The following PDE4DIP variants were observed in gnomAD, a reference collection of about 807,000 sequenced individuals.
PDE4DIP encodes myomegalin.
PDE4DIP carries 59 observed loss-of-function variants against 221.4 expected under a neutral mutation model. The observed-to-expected ratio is 0.27, with a 90% CI of 0.22 to 0.33. PDE4DIP has a LOEUF of 0.33. Among genes scored for constraint, PDE4DIP ranks in the 10% least tolerant of loss-of-function variants. PDE4DIP has a pLI of 1.00. For synonymous variants in PDE4DIP, 404 were observed against 815.9 expected (o/e 0.50, Z 8.60); for missense variants, 1,036 against 2,154.2 (o/e 0.48, Z 10.28).
intron 22 of PDE4DIP, chr1:148,993,698 TG>T: frequency 3.4e-6 from 2 of 592,670 alleles, no homozygotes; most frequent in Non-Finnish European, 4.4e-6. Flanking sequence ...ATATGCCTGC[TG>T]GATGGAAGAA....
intron 5 of PDE4DIP, among the ~76,000 whole-genome samples, chr1:148,946,342 C>T (rs1384946683): frequency 2.2e-5 from 3 of 139,528 alleles, no homozygotes; most frequent in Non-Finnish European, 3.1e-5. Context: ...CTGGCCAACA[C>T]GGTGAAACCT....
chr1:148,986,395 A>G (rs1553549601), intron 21 of PDE4DIP: 1 of 152,178 alleles, frequency 6.6e-6, no homozygotes, highest in African/African-American at 2.4e-5. Flanking sequence ...ATTTTTACAT[A>G]TAAGTGTTAG....
intron 1 of PDE4DIP, among the ~76,000 whole-genome samples, chr1:148,846,444 CAAAAAAAAAAAA>C (rs143812422): frequency 5.7e-4 from 2 of 3,536 alleles, no homozygotes; most frequent in African/African-American, 1.6e-3. Flanking sequence ...AACTCCGCCT[CAAAAAAAAAAAA>C]AAAAAAAAAA....
Position 148,966,624 on chromosome 1 carries a change from CA to C in PDE4DIP, c.1436del (p.Gln479ArgfsTer14), listed in dbSNP as rs782579800. On this transcript the variant is annotated frameshift_variant, in exon 11 of 44. Coordinates refer to ENST00000369354, the Ensembl canonical transcript of PDE4DIP. LOFTEE classifies it high-confidence loss of function. ...TGAAATGTTGCTTGAGAAACTTCGC[CA>C]GCGAATACATGATAAAGCTGTTGCT... 6.3e-7 allele frequency: 1 copy of C among 1,597,868 alleles called. No homozygotes were observed. Among genetic ancestry groups the C allele is most frequent in the African/African-American group, 1.3e-5 (1 of 74,528 alleles).
rs797043421 is a variant in PDE4DIP, at chr1:148,824,540, G to A, written c.233+15803G>A. Among the ~76,000 whole-genome samples the A allele has an allele frequency of 2.7e-4, 26 of 95,732 alleles. No individual in the cohort carries two copies. The East Asian group carries it at 5.1e-3, about 19-fold the overall frequency. 62.8% of individuals were successfully genotyped at this position (95,732 alleles called of 152,430 possible). On this transcript the variant is annotated intron_variant, in intron 1 of 45. Transcript: ENST00000524974. ...AATTACACAAGGGTTTGATGACCAG[G>A]GATCACTGGGGACCAACTTAGAGAC...
At chr1:148,822,526 C>CAAAT (rs1226132141) in intron 1 of PDE4DIP, among the ~76,000 whole-genome samples, 3 of 151,332 alleles carry the variant, frequency 2.0e-5, no homozygotes, top group Non-Finnish European at 1.5e-5. Context: ...CAAATCCATC[C>CAAAT]CCCACCCTGT....
chr1:148,820,893 C>T (rs200015679), intron 1 of PDE4DIP, among the ~76,000 whole-genome samples: 2 of 146,972 alleles, frequency 1.4e-5, no homozygotes, highest in Admixed American at 6.8e-5. Flanking sequence ...CGCTGTTGCC[C>T]AGGCTGGAGT....
chr1:149,030,370 C>T lies in PDE4DIP; in HGVS notation c.6999+92C>T, dbSNP rs1431059251. The T allele has an allele frequency of 2.0e-4, 301 of 1,543,182 alleles. No homozygotes were observed. The African/African-American group carries it at 3.5e-3, about 18-fold the overall frequency. The stretch of plus-strand genomic sequence containing the variant: ...GATCTTGTAGGTGACCCTTGGCCTG[C>T]TTTGGCCTTCCAGGAGAAGACTTGG... On this transcript the variant is annotated intron_variant, in intron 43 of 43. Transcript: ENST00000369354.
At chr1:149,025,344 G>A (rs1331211206) in intron 38 of PDE4DIP, among the ~76,000 whole-genome samples, 1 of 151,708 alleles carries the variant, frequency 6.6e-6, no homozygotes, top group African/African-American at 2.4e-5. Flanking sequence ...CTCACAGGTG[G>A]GGAACTCAGT....
At chr1:148,936,829 T>C (rs1161621584) in intron 4 of PDE4DIP, among the ~76,000 whole-genome samples, 1 of 151,990 alleles carries the variant, frequency 6.6e-6, no homozygotes, top group Non-Finnish European at 1.5e-5. Context: ...CCTTTACATC[T>C]TGTCCGCTGG....
chr1:148,965,124 A>G (rs1408929773), intron 9 of PDE4DIP, among the ~76,000 whole-genome samples: 1 of 152,078 alleles, frequency 6.6e-6, no homozygotes, highest in Non-Finnish European at 1.5e-5. Context: ...AAGAAGAGTG[A>G]TGGTCTCTAT....
At chr1:149,022,889 A>G (rs1553621332) in intron 37 of PDE4DIP, among the ~76,000 whole-genome samples, 1 of 151,840 alleles carries the variant, frequency 6.6e-6, no homozygotes, top group Non-Finnish European at 1.5e-5. Context: ...CTGGCACATT[A>G]AGAGATGACA....
chr1:148,981,610 A>C (rs2152240092), intron 21 of PDE4DIP: 10 of 546,688 alleles, frequency 1.8e-5, no homozygotes, highest in Non-Finnish European at 2.6e-5. Context: ...CATGGATCTC[A>C]CTGTACATAC....
At chr1:148,986,104 C>G (rs2061863526) in intron 21 of PDE4DIP, 1 of 152,112 alleles carries the variant, frequency 6.6e-6, no homozygotes, top group Non-Finnish European at 1.5e-5. Context: ...TAAAGTGATT[C>G]ATAACTTCAC....
chr1:148,934,226 TAC>T (rs1491014706), intron 4 of PDE4DIP, among the ~76,000 whole-genome samples: 2 of 152,282 alleles, frequency 1.3e-5, no homozygotes, highest in East Asian at 3.9e-4. Context: ...TTTATATATA[TAC>T]ATATTGTACA....
intron 22 of PDE4DIP, among the ~76,000 whole-genome samples, chr1:148,994,502 A>T (rs587640348): frequency 1.3e-5 from 2 of 150,106 alleles, no homozygotes; most frequent in Non-Finnish European, 3.0e-5. Flanking sequence ...AAAGTGTGAT[A>T]AACTTGAAAA....
At chr1:148,969,623 G>A (rs587703051) in intron 14 of PDE4DIP, among the ~76,000 whole-genome samples, 6 of 150,038 alleles carry the variant, frequency 4.0e-5, no homozygotes, top group Non-Finnish European at 7.4e-5. Flanking sequence ...AAAAAAGATC[G>A]CATTTTTCAG....
intron 37 of PDE4DIP, chr1:149,021,491 C>A (rs141163289): frequency 3.0e-4 from 55 of 182,818 alleles, no homozygotes; most frequent in African/African-American, 1.3e-3. Context: ...GTGATACATA[C>A]TGACAACCCA....
chr1:148,977,891 A>G (rs782148486), intron 17 of PDE4DIP, 46 bp from the exon 21 acceptor site: 22 of 1,598,508 alleles, frequency 1.4e-5, no homozygotes, highest in Non-Finnish European at 1.7e-5. Flanking sequence ...CATTTGCCTC[A>G]GTGTTAAAAT....
Sources: gnomAD v4.1 joint callset for allele counts (sites outside exome capture counted in the v4.1 genomes callset) on GRCh38, gnomAD v4.1.1 for gene constraint, MANE v1.5 for transcripts, NCBI Gene and HGNC (gene_info 2026-07-23, HGNC 2026-07-21) for gene names.